Variants in NAALADL2 observed in about 807,000 individuals in gnomAD.
NAALADL2 encodes inactive N-acetylated-alpha-linked acidic dipeptidase-like protein 2.
A neutral mutation model predicts 87.2 loss-of-function variants in NAALADL2; 76 were observed. The ratio of observed to expected loss-of-function variants is 0.87; its 90% confidence interval spans 0.72 to 1.05. The LOEUF is 1.05. Among genes scored for constraint, NAALADL2 ranks in the 50% least tolerant of loss-of-function variants. The pLI is 0.00. For missense variants in NAALADL2, 1,089 were observed against 945.8 expected, an observed-to-expected ratio of 1.15 and a Z score of -1.99; for synonymous variants, 354 against 331.0, an observed-to-expected ratio of 1.07 and a Z score of -0.75.
chr3:175,603,147 T>C (rs1047671994), intron 10 of NAALADL2, among the ~76,000 whole-genome samples: 7 of 152,232 alleles, frequency 4.6e-5, no homozygotes, highest in Non-Finnish European at 7.3e-5. Flanking sequence ...TCTAGTTTTT[T>C]CACTTGGCCT....
intron 1 of NAALADL2, among the ~76,000 whole-genome samples, chr3:174,895,313 T>TA (rs1006896985): frequency 9.2e-5 from 14 of 151,430 alleles, no homozygotes; most frequent in Non-Finnish European, 1.0e-4. Flanking sequence ...AGAGAAGATC[T>TA]AAAAAAAGTA....
At chr3:174,824,318 T>C (rs761915437) in intron 3 of NAALADL2, among the ~76,000 whole-genome samples, 3 of 152,208 alleles carry the variant, frequency 2.0e-5, no homozygotes, top group African/African-American at 4.8e-5. Context: ...TCTAAGTGTA[T>C]GTTTACATGA....
At chr3:175,107,928 C>T (rs1364721635) in intron 2 of NAALADL2, among the ~76,000 whole-genome samples, 2 of 148,590 alleles carry the variant, frequency 1.3e-5, no homozygotes, top group Non-Finnish European at 3.0e-5. Context: ...AATTCACTTT[C>T]CAAATTTCAC....
chr3:175,501,656 A>G (rs1729567290), intron 9 of NAALADL2, among the ~76,000 whole-genome samples: 1 of 152,264 alleles, frequency 6.6e-6, no homozygotes, highest in East Asian at 1.9e-4. Flanking sequence ...TATCTGAAAT[A>G]AGGCACATAG....
chr3:174,596,452 G>T (rs1002136946), intron 2 of NAALADL2, among the ~76,000 whole-genome samples: 4 of 152,058 alleles, frequency 2.6e-5, no homozygotes, highest in Non-Finnish European at 4.4e-5. Context: ...TATTTCAGTG[G>T]TTCTCAAATT....
At chr3:174,520,300 C>CAAT (rs1277077188) in intron 1 of NAALADL2, among the ~76,000 whole-genome samples, 1 of 152,120 alleles carries the variant, frequency 6.6e-6, no homozygotes, top group African/African-American at 2.4e-5. Context: ...CCTCACATTA[C>CAAT]GACTTCAAAC....
At chr3:175,131,814 C>T (rs561340139) in intron 2 of NAALADL2, among the ~76,000 whole-genome samples, 191 of 134,132 alleles carry the variant, frequency 1.4e-3, no homozygotes, top group African/African-American at 4.7e-3. Flanking sequence ...CCTGGCCGGG[C>T]GGGGGGCTGA....
rs147111638 is a variant in NAALADL2 at position 175,016,277 on chromosome 3, A to T, written c.44-80513A>T. Among the ~76,000 whole-genome samples the T allele has an allele frequency of 4.1e-3, 613 of 147,824 alleles. 13 individuals carry two copies. The highest frequency in any genetic ancestry group is 0.038 in the East Asian group (195 of 5,118). Reference sequence around the variant, plus strand: ...AAATTATTTATATATATATATATATAAAAAACAATAGCAATTTTAGTAATA... The same window carrying T: ...AAATTATTTATATATATATATATATTAAAAACAATAGCAATTTTAGTAATA... On this transcript the variant is annotated intron_variant, in intron 1 of 13. Transcript: ENST00000454872.
At chr3:175,586,318 T>A (rs2149588582) in intron 10 of NAALADL2, among the ~76,000 whole-genome samples, 1 of 151,776 alleles carries the variant, frequency 6.6e-6, no homozygotes, top group Middle Eastern at 3.4e-3. Context: ...AAAAAAAAAA[T>A]AGATTGAGGT....
intron 5 of NAALADL2, chr3:175,369,516 CGTGTGTGT>C: frequency 6.6e-6 from 1 of 151,538 alleles, no homozygotes; most frequent in Non-Finnish European, 1.5e-5. Flanking sequence ...TGCCTGTGTG[CGTGTGTGT>C]GTATGTGTAT....
chr3:175,144,367 A>G (rs1462860265), intron 2 of NAALADL2, among the ~76,000 whole-genome samples: 1 of 152,108 alleles, frequency 6.6e-6, no homozygotes, highest in Admixed American at 6.6e-5. Flanking sequence ...GATTGATTGG[A>G]AAACAGGAAT....
At chr3:175,666,177 G>A (rs1732966692) in intron 11 of NAALADL2, among the ~76,000 whole-genome samples, 2 of 152,156 alleles carry the variant, frequency 1.3e-5, no homozygotes, top group African/African-American at 2.4e-5. Context: ...GTTGCAGAAT[G>A]TGTTGGTGTA....
chr3:175,682,506 G>A (rs910822863), intron 11 of NAALADL2, among the ~76,000 whole-genome samples: 3 of 151,880 alleles, frequency 2.0e-5, no homozygotes, highest in Non-Finnish European at 4.4e-5. Flanking sequence ...TGAAAGAGCA[G>A]CTACTGAAGA....
At chr3:175,381,085 T>C (rs6795401) in intron 5 of NAALADL2, among the ~76,000 whole-genome samples, 22,829 of 151,888 alleles carry the variant, frequency 0.15, 1,870 homozygotes, top group African/African-American at 0.19. Context: ...ATATATTTTA[T>C]TGCATAATAG....
chr3:175,371,578 T>A (rs546743314), intron 5 of NAALADL2, among the ~76,000 whole-genome samples: 1 of 152,046 alleles, frequency 6.6e-6, no homozygotes, highest in South Asian at 2.1e-4. Context: ...TAATCCCAGC[T>A]CTTTGGGAGG....
At chr3:174,883,928 C>T (rs1290858306) in intron 1 of NAALADL2, among the ~76,000 whole-genome samples, 1 of 152,178 alleles carries the variant, frequency 6.6e-6, no homozygotes, top group Non-Finnish European at 1.5e-5. Flanking sequence ...CATACTCTTC[C>T]TTACCTCCAC....
intron 2 of NAALADL2, among the ~76,000 whole-genome samples, chr3:174,729,502 C>A (rs1180005484): frequency 6.6e-6 from 1 of 151,914 alleles, no homozygotes; most frequent in Admixed American, 6.6e-5. Flanking sequence ...GGGCCATAAA[C>A]CCTAGAAGAG....
chr3:174,491,440 C>G (rs891413071), intron 1 of NAALADL2, among the ~76,000 whole-genome samples: 1 of 152,092 alleles, frequency 6.6e-6, no homozygotes, highest in Non-Finnish European at 1.5e-5. Flanking sequence ...GTTTAATACT[C>G]TTTGGAAGTA....
intron 5 of NAALADL2, among the ~76,000 whole-genome samples, chr3:175,329,921 T>A (rs2110486217): frequency 6.6e-6 from 1 of 152,330 alleles, no homozygotes; most frequent in South Asian, 2.1e-4. Context: ...AATTTGCAGT[T>A]GATTGTTTGA....
Sources: gnomAD v4.1 joint callset for allele counts (sites outside exome capture counted in the v4.1 genomes callset) on GRCh38, gnomAD v4.1.1 for gene constraint, MANE v1.5 for transcripts, NCBI Gene and HGNC (gene_info 2026-07-23, HGNC 2026-07-21) for gene names.